The following CNST variants were observed in gnomAD, a reference collection of about 807,000 sequenced individuals.
CNST encodes the protein consortin, connexin sorting protein.
CNST carries 39 observed loss-of-function variants against 72.4 expected under a neutral mutation model. The ratio of observed to expected loss-of-function variants is 0.54; its 90% CI spans 0.42 to 0.70. The LOEUF (loss-of-function observed/expected upper bound fraction) is 0.70. Among genes scored for constraint, CNST ranks in the 30% least tolerant of loss-of-function variants. CNST has a pLI of 0.00. For missense variants in CNST, 871 were observed against 868.5 expected (o/e 1.00, Z -0.04); for synonymous variants, 332 against 320.1 (o/e 1.04, Z -0.40).
chr1:246,641,845 G>A lies in CNST; in HGVS notation c.840+75G>A, dbSNP rs374661133. 24 of 1,254,426 alleles carry A rather than the reference G, an allele frequency of 1.9e-5. No homozygotes were observed. In the African/African-American group the frequency reaches 2.9e-4, roughly 15 times the overall value. The allele number at this position is 1,254,426 out of a possible 1,614,324, so 77.7% of individuals were successfully genotyped here. A position where few individuals can be genotyped will look rare whatever the true frequency, so the allele number is the denominator to read the frequency against. On this transcript the variant is annotated intron_variant, in intron 7 of 10. Transcript: ENST00000366513. ...ATATGTCTGTTGTATGGACTATTTT[G>A]GAAAATGAGGAAACCTTTCCCAAGT...
chr1:246,574,330 C>T (rs1247812056), intron 1 of CNST, among the ~76,000 whole-genome samples: 4 of 152,188 alleles, frequency 2.6e-5, no homozygotes, highest in African/African-American at 7.2e-5. Flanking sequence ...CGTGAGCCAC[C>T]GCTCCCAGCC....
At chr1:246,664,682 T>TC (rs1222103554) in intron 10 of CNST, among the ~76,000 whole-genome samples, 9 of 152,102 alleles carry the variant, frequency 5.9e-5, no homozygotes, top group Non-Finnish European at 8.8e-5. Context: ...CGCCTCAGCC[T>TC]CCCAAAGTGC....
intron 1 of CNST, among the ~76,000 whole-genome samples, chr1:246,586,111 A>ATATATATATG (rs777928408): frequency 9.7e-6 from 1 of 102,700 alleles, no homozygotes; most frequent in Admixed American, 1.1e-4. Context: ...ATATATATAT[A>ATATATATATG]TGTGTGTGTG....
At chr1:246,582,670 G>GTCAC (rs574048609) in intron 1 of CNST, among the ~76,000 whole-genome samples, 420 of 152,314 alleles carry the variant, frequency 2.8e-3, no homozygotes, top group African/African-American at 9.7e-3. Flanking sequence ...TATCAGGCTC[G>GTCAC]TCACTACTTT....
At chr1:246,641,662 T>C in intron 6 of CNST, 87 bp from the exon 7 acceptor site, 1 of 762,632 alleles carries the variant, frequency 1.3e-6, no homozygotes, top group Admixed American at 2.3e-5. Flanking sequence ...GCTGTATTTT[T>C]TTATAGCCAT....
At position 246,639,942 on chromosome 1, in the gene CNST, C is replaced by T. The variant is rs914739202; in HGVS notation, c.819-1807C>T. Among the ~76,000 whole-genome samples, 5 of 152,182 alleles carry T rather than the reference C, an allele frequency of 3.3e-5. No individual in the cohort carries two copies. The South Asian group carries it at 6.2e-4, about 19-fold the overall frequency. On this transcript the variant is annotated intron_variant, in intron 6 of 10. Coordinates refer to ENST00000366513, the MANE Select transcript of CNST (RefSeq NM_152609.3). The stretch of plus-strand genomic sequence containing the variant: ...GTACCCGGATGGCCAATCTCTCCAT[C>T]CTCAGGGATACGTGTCTTCCGGCCA...
At chr1:246,624,854 A>G (rs1034518906) in intron 3 of CNST, among the ~76,000 whole-genome samples, 2 of 152,244 alleles carry the variant, frequency 1.3e-5, no homozygotes, top group East Asian at 3.9e-4. Flanking sequence ...GGGTTTCACC[A>G]TGTTGCCCGG....
At chr1:246,637,940 C>T (rs1665403397) in intron 6 of CNST, among the ~76,000 whole-genome samples, 1 of 152,132 alleles carries the variant, frequency 6.6e-6, no homozygotes, top group African/African-American at 2.4e-5. Context: ...AGTCTACCTG[C>T]CAATCTTGCC....
intron 1 of CNST, among the ~76,000 whole-genome samples, chr1:246,584,464 G>A (rs756696548): frequency 6.6e-6 from 1 of 152,092 alleles, no homozygotes; most frequent in African/African-American, 2.4e-5. Context: ...AATTGGTGTC[G>A]AGATAGACTG....
chr1:246,644,215 C>T (rs1018265580), intron 8 of CNST, among the ~76,000 whole-genome samples: 12 of 152,012 alleles, frequency 7.9e-5, no homozygotes, highest in Non-Finnish European at 8.8e-5. Context: ...AGTGAAACCC[C>T]GTCTCTACTA....
intron 9 of CNST, among the ~76,000 whole-genome samples, chr1:246,653,948 A>G (rs1324712123): frequency 2.6e-5 from 4 of 152,210 alleles, no homozygotes. Flanking sequence ...GAAGGTTTCC[A>G]CGCCTTGTCT....
intron 3 of CNST, among the ~76,000 whole-genome samples, chr1:246,624,203 A>C (rs950208392): frequency 6.6e-6 from 1 of 152,210 alleles, no homozygotes; most frequent in Non-Finnish European, 1.5e-5. Context: ...GCTGTCACGA[A>C]CTCACCATTG....
In CNST at chr1:246,569,049, A is replaced by G. The variant is rs1288301126; in HGVS notation, c.-52+2386A>G. Among the ~76,000 whole-genome samples, 11 of 152,278 alleles carry G rather than the reference A, an allele frequency of 7.2e-5. No individual in the cohort carries two copies. In the East Asian group the frequency reaches 2.1e-3, roughly 29 times the overall value. ...ACACCCAGCCTCTTTTGGCTTTTAAATGACAACTGTAATTGGGAAATGCCA... is the reference window on the plus strand; with the variant it reads ...ACACCCAGCCTCTTTTGGCTTTTAAGTGACAACTGTAATTGGGAAATGCCA... On this transcript the variant is annotated intron_variant, in intron 1 of 10. Coordinates refer to ENST00000366513, the MANE Select transcript of CNST (RefSeq NM_152609.3).
chr1:246,597,250 C>T (rs12133570), intron 2 of CNST, among the ~76,000 whole-genome samples: 6,615 of 152,190 alleles, frequency 0.043, 193 homozygotes, highest in Middle Eastern at 0.082. Context: ...ACTTGTAATT[C>T]GTATACCATA....
chr1:246,605,608 A>G (rs1662683365), intron 2 of CNST, among the ~76,000 whole-genome samples: 1 of 151,920 alleles, frequency 6.6e-6, no homozygotes, highest in African/African-American at 2.4e-5. Flanking sequence ...TGTAACGGCT[A>G]CGTGGTACCT....
intron 2 of CNST, among the ~76,000 whole-genome samples, chr1:246,608,429 C>T (rs1160937179): frequency 2.6e-5 from 4 of 152,150 alleles, no homozygotes; most frequent in Admixed American, 6.5e-5. Flanking sequence ...TTTAATAAAA[C>T]GTGTTAAAGT....
At chr1:246,645,922 A>G (rs990929189) in intron 8 of CNST, among the ~76,000 whole-genome samples, 1 of 152,180 alleles carries the variant, frequency 6.6e-6, no homozygotes, top group African/African-American at 2.4e-5. Flanking sequence ...GAGATGTCAG[A>G]ATTCAAACCC....
chr1:246,577,382 T>C (rs1660499950), intron 1 of CNST, among the ~76,000 whole-genome samples: 1 of 152,098 alleles, frequency 6.6e-6, no homozygotes, highest in Admixed American at 6.5e-5. Context: ...TACTATCCTC[T>C]GTGTTTATTT....
chr1:246,636,532 G>T (rs569965631), intron 6 of CNST, among the ~76,000 whole-genome samples: 3 of 152,038 alleles, frequency 2.0e-5, no homozygotes, highest in East Asian at 1.9e-4. Flanking sequence ...GGATACGTCT[G>T]CTTATGGTTT....
Sources: gnomAD v4.1 joint callset for allele counts (sites outside exome capture counted in the v4.1 genomes callset) on GRCh38, gnomAD v4.1.1 for gene constraint, MANE v1.5 for transcripts, NCBI Gene and HGNC (gene_info 2026-07-23, HGNC 2026-07-21) for gene names.